KRT8: variants seen among roughly 807,000 people sequenced by gnomAD.
KRT8 encodes the protein keratin 8.
In KRT8, 24 loss-of-function variants were observed where a neutral mutation model predicts 43.0. That is an observed-to-expected ratio of 0.56 (90% CI 0.40 to 0.78). KRT8 has a LOEUF of 0.78. Among genes scored for constraint, KRT8 ranks in the 30% least tolerant of loss-of-function variants. The probability of loss-of-function intolerance (pLI) is 0.00; values close to 1 mark genes in which losing one functional copy is unlikely to be tolerated. For synonymous variants in KRT8, 214 were observed against 261.2 expected, an observed-to-expected ratio of 0.82 and a Z score of 1.74; for missense variants, 492 against 638.4, an observed-to-expected ratio of 0.77 and a Z score of 2.47.
At chr12:52,908,835 G>A (rs11170326), upstream of KRT8, among the ~76,000 whole-genome samples, 50,802 of 151,944 alleles carry the variant, frequency 0.33, 8,795 homozygotes, top group Middle Eastern at 0.41. Context: ...TGAGACCCCC[G>A]TCTCTACAAA....
chr12:52,942,730 C>G (rs908586226), intron 2 of KRT8, among the ~76,000 whole-genome samples: 2 of 152,124 alleles, frequency 1.3e-5, no homozygotes, highest in African/African-American at 2.4e-5. Flanking sequence ...CTCTCCCACC[C>G]CCAGGATACG....
At chr12:52,918,182 A>AAGAAGAAGAAGAAGAAGAAGAAGAAGG (rs1565725562) in intron 2 of KRT8, among the ~76,000 whole-genome samples, 58 of 104,476 alleles carry the variant, frequency 5.6e-4, no homozygotes, top group African/African-American at 1.8e-3. Flanking sequence ...GAGGAAGAGG[A>AAGAAGAAGAAGAAGAAGAAGAAGAAGG]AGAAGAAGAA....
At chr12:52,928,965 C>T (rs887358415) in intron 2 of KRT8, among the ~76,000 whole-genome samples, 1 of 152,272 alleles carries the variant, frequency 6.6e-6, no homozygotes, top group Admixed American at 6.5e-5. Flanking sequence ...CACTACAGCC[C>T]TCTCTCCTTG....
At chr12:52,906,507 G>A, upstream of KRT8, 1 of 356,164 alleles carries the variant, frequency 2.8e-6, no homozygotes, top group Non-Finnish European at 5.6e-6. Context: ...GGCAGGTTGG[G>A]ACGTAGCACG....
upstream of KRT8, among the ~76,000 whole-genome samples, chr12:52,909,413 A>G (rs1941587223): frequency 6.6e-6 from 1 of 152,246 alleles, no homozygotes; most frequent in Non-Finnish European, 1.5e-5. Context: ...ATAGGAAGCC[A>G]CAGGTGGTGG....
chr12:52,921,713 C>T (rs568810278), intron 2 of KRT8, among the ~76,000 whole-genome samples: 5 of 152,148 alleles, frequency 3.3e-5, no homozygotes, highest in Admixed American at 6.5e-5. Context: ...TTGTGCATCC[C>T]CAGCTGTGGC....
In KRT8 at chr12:52,900,324, T is replaced by G. The variant is rs1398765723; in HGVS notation, c.691-259A>C. ...GTTGCTGCTGAATCACCACACCCTA[T>G]GATGACCTTGGATACGTTATTTCAC... On this transcript the variant is annotated intron_variant, in intron 4 of 7. Transcript: ENST00000692008. Among the ~76,000 whole-genome samples the G allele has an allele frequency of 2.0e-5, 3 of 152,172 alleles. No homozygotes were observed. The East Asian group carries it at 5.8e-4, about 29-fold the overall frequency.
chr12:52,910,265 G>T (rs1941608102), upstream of KRT8, among the ~76,000 whole-genome samples: 2 of 152,106 alleles, frequency 1.3e-5, no homozygotes, highest in African/African-American at 4.8e-5. Flanking sequence ...ACGTGCTCAG[G>T]TCGCACCCCG....
At chr12:52,901,966 A>T in exon 2 of KRT8, 1 of 1,608,056 alleles carries the variant, frequency 6.2e-7, no homozygotes, top group South Asian at 1.1e-5. Flanking sequence ...AAGGTTGTTG[A>T]TGTAGCTCTC....
intron 2 of KRT8, among the ~76,000 whole-genome samples, chr12:52,928,798 T>C (rs772466022): frequency 5.9e-5 from 9 of 152,052 alleles, no homozygotes; most frequent in Non-Finnish European, 1.2e-4. Context: ...CCTAGCTACT[T>C]AGGAGGCTGA....
intron 2 of KRT8, among the ~76,000 whole-genome samples, chr12:52,933,110 AT>A (rs1300816292): frequency 2.0e-5 from 3 of 151,704 alleles, no homozygotes; most frequent in Non-Finnish European, 4.4e-5. Flanking sequence ...CGCCCAGCTA[AT>A]TTTTTTGTAT....
chr12:52,898,231 G>A (rs1459072060), intron 7 of KRT8, among the ~76,000 whole-genome samples: 3 of 152,176 alleles, frequency 2.0e-5, no homozygotes, highest in African/African-American at 7.2e-5. Flanking sequence ...TTAGCACAGT[G>A]CCTGGCACAC....
intron 2 of KRT8, 27 bp from the exon 3 acceptor site, chr12:52,901,246 G>T (rs1469898775): frequency 8.3e-6 from 13 of 1,569,654 alleles, no homozygotes; most frequent in Non-Finnish European, 1.1e-5. Flanking sequence ...TACAATTAGA[G>T]GATGAAGGCA....
At chr12:52,942,809 C>T (rs1942288405) in intron 2 of KRT8, among the ~76,000 whole-genome samples, 1 of 152,048 alleles carries the variant, frequency 6.6e-6, no homozygotes, top group Non-Finnish European at 1.5e-5. Flanking sequence ...ATCTCAAGAC[C>T]ACTGACTCAC....
intron 2 of KRT8, among the ~76,000 whole-genome samples, chr12:52,935,414 C>T (rs1942153897): frequency 1.7e-5 from 2 of 118,904 alleles, no homozygotes; most frequent in Non-Finnish European, 1.6e-5. Context: ...AAAAAAAGGC[C>T]GGGCACAGTG....
intron 2 of KRT8, among the ~76,000 whole-genome samples, chr12:52,942,938 T>C (rs1267786329): frequency 1.3e-5 from 2 of 151,922 alleles, no homozygotes; most frequent in Non-Finnish European, 2.9e-5. Flanking sequence ...ACACAACACA[T>C]CCCAGCTCTG....
intron 2 of KRT8, among the ~76,000 whole-genome samples, chr12:52,912,880 C>G (rs1387601781): frequency 6.6e-6 from 1 of 152,238 alleles, no homozygotes; most frequent in African/African-American, 2.4e-5. Flanking sequence ...CAGTCATAGC[C>G]ACTTAGCACA....
At chr12:52,921,495 C>A (rs1308967259) in intron 2 of KRT8, among the ~76,000 whole-genome samples, 1 of 152,184 alleles carries the variant, frequency 6.6e-6, no homozygotes, top group Non-Finnish European at 1.5e-5. Context: ...CCCAGGCCCC[C>A]ATGGCCTGAC....
chr12:52,929,892 C>A (rs1373692849), intron 2 of KRT8, among the ~76,000 whole-genome samples: 4 of 152,142 alleles, frequency 2.6e-5, no homozygotes, highest in African/African-American at 9.7e-5. Context: ...TTTCTAATTG[C>A]TGCCTGGATG....
Sources: allele counts gnomAD v4.1 joint callset (sites outside exome capture counted in the v4.1 genomes callset), GRCh38; gene constraint gnomAD v4.1.1; transcripts MANE v1.5; gene names NCBI Gene and HGNC (gene_info 2026-07-23, HGNC 2026-07-21).